The following RALGAPA2 variants were observed in gnomAD, a reference collection of about 807,000 sequenced individuals.
RALGAPA2 encodes ral GTPase-activating protein subunit alpha-2.
In RALGAPA2, 139 loss-of-function variants were observed where a neutral mutation model predicts 230.4. That is an observed-to-expected ratio of 0.60 (90% confidence interval 0.53 to 0.69). RALGAPA2 has a LOEUF of 0.69. RALGAPA2 is among the 30% of genes least tolerant of loss of function. The probability of loss-of-function intolerance (pLI) is 0.00; values close to 1 mark genes in which losing one functional copy is unlikely to be tolerated. For synonymous variants in RALGAPA2, 847 were observed against 837.8 expected (o/e 1.01, Z -0.19); for missense variants, 2,163 against 2,276.0 (o/e 0.95, Z 1.01).
chr20:20,645,106 CTTTTTTTT>C (rs71198064), intron 4 of RALGAPA2, among the ~76,000 whole-genome samples: 1 of 59,462 alleles, frequency 1.7e-5, no homozygotes, highest in Admixed American at 2.3e-4. Flanking sequence ...GGTGGTGGTG[CTTTTTTTT>C]TTTTTTTTTT....
intron 20 of RALGAPA2, among the ~76,000 whole-genome samples, chr20:20,582,214 A>G (rs2065010633): frequency 6.8e-6 from 1 of 147,632 alleles, no homozygotes; most frequent in African/African-American, 2.5e-5. Flanking sequence ...GTGTGTAGCT[A>G]AAACTGCAGA....
chr20:20,447,490 C>G (rs1366648217), intron 37 of RALGAPA2, among the ~76,000 whole-genome samples: 1 of 152,164 alleles, frequency 6.6e-6, no homozygotes, highest in Non-Finnish European at 1.5e-5. Context: ...AATCCTGAGC[C>G]CTGGCAGATG....
At chr20:20,458,893 T>G (rs1185939206) in intron 37 of RALGAPA2, among the ~76,000 whole-genome samples, 1 of 133,372 alleles carries the variant, frequency 7.5e-6, no homozygotes, top group African/African-American at 2.8e-5. Context: ...CACAAATAAA[T>G]AAAATATATA....
intron 4 of RALGAPA2, among the ~76,000 whole-genome samples, chr20:20,647,494 G>C (rs1280561456): frequency 2.0e-5 from 3 of 152,168 alleles, no homozygotes; most frequent in Non-Finnish European, 2.9e-5. Context: ...ATGGATCAAA[G>C]ACCTAAACTA....
intron 16 of RALGAPA2, among the ~76,000 whole-genome samples, chr20:20,599,487 A>G (rs1568630419): frequency 6.6e-6 from 1 of 152,204 alleles, no homozygotes; most frequent in Non-Finnish European, 1.5e-5. Flanking sequence ...TAGGAGGAAA[A>G]CGTGCTTCAT....
chr20:20,671,109 C>CA (rs1209024207), intron 3 of RALGAPA2, among the ~76,000 whole-genome samples: 2 of 152,216 alleles, frequency 1.3e-5, no homozygotes, highest in African/African-American at 4.8e-5. Flanking sequence ...AAGGTCTGCT[C>CA]ACTGCCTGAG....
chr20:20,580,922 A>G (rs1602922209), intron 20 of RALGAPA2, among the ~76,000 whole-genome samples: 1 of 152,216 alleles, frequency 6.6e-6, no homozygotes, highest in South Asian at 2.1e-4. Context: ...TTCTCTTTGC[A>G]TGTCCTAAAA....
chr20:20,458,507 AAT>A (rs1272231357), intron 37 of RALGAPA2, among the ~76,000 whole-genome samples: 30 of 138,570 alleles, frequency 2.2e-4, no homozygotes, highest in Non-Finnish European at 3.8e-4. Flanking sequence ...TATTATATAT[AAT>A]ATATATGTAT....
intron 37 of RALGAPA2, among the ~76,000 whole-genome samples, chr20:20,460,990 G>C (rs2061288863): frequency 6.6e-6 from 1 of 152,144 alleles, no homozygotes. Flanking sequence ...CCCACACTTA[G>C]GCTAAAATTC....
intron 24 of RALGAPA2, among the ~76,000 whole-genome samples, chr20:20,544,457 G>A (rs2063729065): frequency 6.6e-6 from 1 of 152,136 alleles, no homozygotes; most frequent in African/African-American, 2.4e-5. Flanking sequence ...AGACAGGGTG[G>A]CGATTCCTCA....
intron 25 of RALGAPA2, 90 bp downstream of exon 25, chr20:20,536,566 C>T (rs916532000): frequency 7.2e-7 from 1 of 1,386,700 alleles, no homozygotes; most frequent in Non-Finnish European, 9.7e-7. Context: ...CAGGAATAAG[C>T]AGATTAATAT....
At chr20:20,396,795 T>C (rs1392301225) in intron 38 of RALGAPA2, 61 bp from the exon 39 acceptor site, 1 of 1,363,112 alleles carries the variant, frequency 7.3e-7, no homozygotes, top group Non-Finnish European at 1.0e-6. Context: ...AGCTCCAACT[T>C]GATAACTAAC....
chr20:20,697,842 T>A (rs1452046175), intron 1 of RALGAPA2, among the ~76,000 whole-genome samples: 1 of 152,152 alleles, frequency 6.6e-6, no homozygotes, highest in Non-Finnish European at 1.5e-5. Context: ...TCCACCAAGT[T>A]GGGAGGTGGG....
chr20:20,694,190 A>C (rs1370967293), intron 1 of RALGAPA2, among the ~76,000 whole-genome samples: 1 of 152,202 alleles, frequency 6.6e-6, no homozygotes, highest in Non-Finnish European at 1.5e-5. Context: ...ATGCCTGGAA[A>C]TCTATTTTGT....
At chr20:20,585,514 A>T (rs528049403) in intron 18 of RALGAPA2, among the ~76,000 whole-genome samples, 1 of 152,262 alleles carries the variant, frequency 6.6e-6, no homozygotes, top group South Asian at 2.1e-4. Context: ...GAGACAAAAC[A>T]TACACAAATT....
At chr20:20,531,508 C>T (rs1174046083) in intron 27 of RALGAPA2, among the ~76,000 whole-genome samples, 179 bp downstream of exon 27, 1 of 152,234 alleles carries the variant, frequency 6.6e-6, no homozygotes, top group Non-Finnish European at 1.5e-5. Context: ...GGCCAGGCTG[C>T]AGCTGCCAGC....
chr20:20,525,841 G>C (rs960541818), intron 28 of RALGAPA2, among the ~76,000 whole-genome samples: 8 of 152,226 alleles, frequency 5.3e-5, no homozygotes. Flanking sequence ...TGCTAGGGCA[G>C]AAAGTGTGGT....
rs528427737 is a variant in RALGAPA2 at position 20,451,994 on chromosome 20, A to C, written c.5495+20835T>G. Reference sequence around the variant, plus strand: ...GAGCATTAGGCAGTAGTTTCTATGAAGCTTTTAAAAGAGAAAGTTAACTTC... The same window carrying C: ...GAGCATTAGGCAGTAGTTTCTATGACGCTTTTAAAAGAGAAAGTTAACTTC... On this transcript the variant is annotated intron_variant, in intron 37 of 39. Coordinates refer to ENST00000202677, the MANE Select transcript of RALGAPA2 (RefSeq NM_020343.4). Among the ~76,000 whole-genome samples, 165 of 152,334 alleles carry C rather than the reference A, an allele frequency of 1.1e-3. 1 individual carries two copies. The highest frequency in any genetic ancestry group is 1.9e-3 in the Non-Finnish European group (128 of 68,022).
chr20:20,649,676 A>G (rs1025164768), intron 4 of RALGAPA2, among the ~76,000 whole-genome samples: 1 of 152,190 alleles, frequency 6.6e-6, no homozygotes, highest in Non-Finnish European at 1.5e-5. Context: ...CCTGACAAAT[A>G]ATTATTGAGT....
Sources: allele counts gnomAD v4.1 joint callset (sites outside exome capture counted in the v4.1 genomes callset), GRCh38; gene constraint gnomAD v4.1.1; transcripts MANE v1.5; gene names NCBI Gene and HGNC (gene_info 2026-07-23, HGNC 2026-07-21).